Variants in IQCM observed in about 807,000 individuals in gnomAD.
IQCM encodes IQ motif containing M.
A neutral mutation model predicts 57.6 loss-of-function variants in IQCM; 45 were observed. The observed-to-expected ratio is 0.78, with a 90% CI of 0.62 to 1.00. IQCM has a LOEUF of 1.00. Among genes scored for constraint, IQCM ranks in the 50% least tolerant of loss-of-function variants. IQCM has a pLI of 0.00. For missense variants in IQCM, 468 were observed against 511.6 expected, an observed-to-expected ratio of 0.91 and a Z score of 0.82; for synonymous variants, 148 against 158.9, an observed-to-expected ratio of 0.93 and a Z score of 0.51.
intron 12 of IQCM, among the ~76,000 whole-genome samples, chr4:149,510,272 T>C (rs1446640464): frequency 6.6e-6 from 1 of 152,158 alleles, no homozygotes; most frequent in African/African-American, 2.4e-5. Context: ...AATGTACTCT[T>C]CTGGGAAATT....
At chr4:149,812,900 C>G (rs778707971) in intron 2 of IQCM, among the ~76,000 whole-genome samples, 1 of 152,108 alleles carries the variant, frequency 6.6e-6, no homozygotes, top group Non-Finnish European at 1.5e-5. Context: ...TAGCATTTTA[C>G]TTTGTTGTAA....
intron 10 of IQCM, among the ~76,000 whole-genome samples, chr4:149,557,536 C>A (rs1749706331): frequency 6.6e-6 from 1 of 152,130 alleles, no homozygotes; most frequent in Non-Finnish European, 1.5e-5. Flanking sequence ...CATCTCTCTG[C>A]CATTTTCTGT....
intron 13 of IQCM, among the ~76,000 whole-genome samples, chr4:149,431,473 T>C (rs991353009): frequency 4.6e-5 from 7 of 152,022 alleles, no homozygotes; most frequent in Admixed American, 1.3e-4. Flanking sequence ...GCTTCTCTTT[T>C]AATTTTGTGT....
chr4:149,643,951 T>A (rs1357595095), intron 7 of IQCM, among the ~76,000 whole-genome samples: 1 of 152,206 alleles, frequency 6.6e-6, no homozygotes, highest in African/African-American at 2.4e-5. Context: ...ACTCTTCACA[T>A]TTAATGGACT....
At position 149,805,550 on chromosome 4, in the gene IQCM, T is replaced by A. The variant is rs143501450; in HGVS notation, c.-49+9761A>T. Among the ~76,000 whole-genome samples, 652 of 152,182 alleles carry A rather than the reference T, an allele frequency of 4.3e-3. 6 individuals are homozygous for A. Among genetic ancestry groups the A allele is most frequent in the African/African-American group, 0.015 (620 of 41,568 alleles). ...TAGCTGCAGAAGATATTTTTATGTG[T>A]CACTCTGTGAAACATGACCTTTCAT... On this transcript the variant is annotated intron_variant, in intron 2 of 13. Transcript: ENST00000636793.
intron 10 of IQCM, among the ~76,000 whole-genome samples, chr4:149,556,284 C>A (rs934464546): frequency 5.3e-5 from 8 of 149,720 alleles, no homozygotes; most frequent in African/African-American, 9.8e-5. Context: ...TTTGTTTTTG[C>A]TTGATATGGT....
At chr4:149,353,591 T>C (rs947214967) in intron 13 of IQCM, among the ~76,000 whole-genome samples, 1 of 152,202 alleles carries the variant, frequency 6.6e-6, no homozygotes, top group African/African-American at 2.4e-5. Flanking sequence ...TACAATGGAA[T>C]ATTATTCAGC....
At chr4:149,415,585 A>G (rs1014302654) in intron 13 of IQCM, among the ~76,000 whole-genome samples, 80 of 151,986 alleles carry the variant, frequency 5.3e-4, no homozygotes, top group Admixed American at 5.2e-3. Flanking sequence ...TAGGCAGAGT[A>G]TTTTTCTAAA....
intron 2 of IQCM, among the ~76,000 whole-genome samples, chr4:149,757,355 A>G (rs1366607366): frequency 2.0e-5 from 3 of 150,306 alleles, no homozygotes; most frequent in East Asian, 4.0e-4. Flanking sequence ...ATATAAATTA[A>G]TAAGTACAAA....
intron 12 of IQCM, among the ~76,000 whole-genome samples, chr4:149,544,604 A>G (rs1334674057): frequency 6.6e-6 from 1 of 152,170 alleles, no homozygotes; most frequent in African/African-American, 2.4e-5. Flanking sequence ...TTGAGAAAGA[A>G]AAACAAAGCT....
intron 12 of IQCM, among the ~76,000 whole-genome samples, chr4:149,473,793 C>A (rs1418723845): frequency 1.3e-5 from 2 of 152,060 alleles, no homozygotes. Context: ...TACTATGCAG[C>A]CATAAAAAAT....
intron 12 of IQCM, among the ~76,000 whole-genome samples, chr4:149,493,884 C>A (rs1344219950): frequency 5.5e-5 from 8 of 146,508 alleles, no homozygotes; most frequent in Non-Finnish European, 9.0e-5. Flanking sequence ...CTGGAAATGA[C>A]AAAAAAAAAA....
At chr4:149,522,067 T>C (rs1201679022) in intron 12 of IQCM, among the ~76,000 whole-genome samples, 1 of 152,178 alleles carries the variant, frequency 6.6e-6, no homozygotes, top group Non-Finnish European at 1.5e-5. Flanking sequence ...TCCCTCTCAC[T>C]GGGGGTGTTA....
chr4:149,663,806 A>G (rs1309516507), intron 7 of IQCM, among the ~76,000 whole-genome samples: 1 of 152,100 alleles, frequency 6.6e-6, no homozygotes, highest in Non-Finnish European at 1.5e-5. Flanking sequence ...TACATCAGAG[A>G]AGATTTTTGC....
At chr4:149,523,482 A>C (rs1356190460) in intron 12 of IQCM, among the ~76,000 whole-genome samples, 1 of 152,162 alleles carries the variant, frequency 6.6e-6, no homozygotes, top group Non-Finnish European at 1.5e-5. Context: ...TAAATATATA[A>C]ATATAAAAAT....
intron 2 of IQCM, among the ~76,000 whole-genome samples, chr4:149,749,298 A>G (rs1313152320): frequency 6.6e-6 from 1 of 152,208 alleles, no homozygotes; most frequent in Non-Finnish European, 1.5e-5. Context: ...AAGCAACCCA[A>G]ATGTCCACTG....
chr4:149,374,062 G>A (rs1412737547), intron 13 of IQCM, among the ~76,000 whole-genome samples: 1 of 152,092 alleles, frequency 6.6e-6, no homozygotes, highest in Non-Finnish European at 1.5e-5. Context: ...AGCAGCAATG[G>A]CATCTTCTTG....
At chr4:149,583,906 A>G (rs1752434315) in intron 9 of IQCM, among the ~76,000 whole-genome samples, 2 of 151,630 alleles carry the variant, frequency 1.3e-5, no homozygotes, top group Admixed American at 6.6e-5. Flanking sequence ...GAGAAAATAT[A>G]TTAATAAAGA....
chr4:149,795,889 T>A (rs1217002573), intron 2 of IQCM, among the ~76,000 whole-genome samples: 2 of 152,178 alleles, frequency 1.3e-5, no homozygotes, highest in Non-Finnish European at 2.9e-5. Context: ...ACCTGCTAAC[T>A]GTAAGAGCCC....
Sources: gnomAD v4.1 joint callset for allele counts (sites outside exome capture counted in the v4.1 genomes callset) on GRCh38, gnomAD v4.1.1 for gene constraint, MANE v1.5 for transcripts, NCBI Gene and HGNC (gene_info 2026-07-23, HGNC 2026-07-21) for gene names.